KLC2: variants seen among roughly 807,000 people sequenced by gnomAD.
KLC2 encodes the protein KLC 2.
In KLC2, 35 loss-of-function variants were observed where a neutral mutation model predicts 75.1. That is an observed-to-expected ratio of 0.47 (90% CI 0.36 to 0.62). The LOEUF (loss-of-function observed/expected upper bound fraction) is 0.62. Among genes scored for constraint, KLC2 ranks in the 20% least tolerant of loss-of-function variants. KLC2 has a pLI of 0.00. For synonymous variants in KLC2, 314 were observed against 336.7 expected (o/e 0.93, Z 0.74); for missense variants, 611 against 833.2 (o/e 0.73, Z 3.28).
the KLC2 span, among the ~76,000 whole-genome samples, chr11:66,245,469 G>A: frequency 6.6e-6 from 1 of 152,190 alleles, no homozygotes; most frequent in Non-Finnish European, 1.5e-5. Context: ...TGTAATCCCA[G>A]CACTTTGGGA....
the KLC2 span, among the ~76,000 whole-genome samples, chr11:66,251,667 G>A: frequency 6.6e-6 from 1 of 152,274 alleles, no homozygotes; most frequent in East Asian, 1.9e-4. Context: ...AGCTACTCAG[G>A]AGGCTGAAGC....
upstream of KLC2, among the ~76,000 whole-genome samples, chr11:66,256,466 A>G (rs1856042144): frequency 6.6e-6 from 1 of 152,258 alleles, no homozygotes; most frequent in South Asian, 2.1e-4. Flanking sequence ...GGTGGGTGCT[A>G]TAATCTCAGC....
intron 3 of KLC2, 68 bp from the exon 4 acceptor site, chr11:66,262,053 ACC>A: frequency 6.3e-7 from 1 of 1,584,442 alleles, no homozygotes; most frequent in Non-Finnish European, 8.7e-7. Context: ...ATTCGGCTCC[ACC>A]CCAGCCCATG....
the KLC2 span, chr11:66,245,167 C>A: frequency 6.6e-6 from 1 of 152,218 alleles, no homozygotes; most frequent in Non-Finnish European, 1.5e-5. Context: ...TTTTCCTGCC[C>A]GCCCTTGACT....
chr11:66,267,625 C>G lies in KLC2; in HGVS notation c.*669C>G. 5.0e-6 allele frequency: 3 copies of G among 597,708 alleles called. No individual in the cohort carries two copies. Among genetic ancestry groups the G allele is most frequent in the Non-Finnish European group, 9.0e-6 (3 of 334,382 alleles). The allele number at this position is 597,708 out of a possible 1,614,324, so 37.0% of individuals were successfully genotyped here. ...CCGTCCTCCCACCGCCGGGCCCTGCCCCGCATCCCGGCCTTATGCACTGCC... is the reference window on the plus strand; with the variant it reads ...CCGTCCTCCCACCGCCGGGCCCTGCGCCGCATCCCGGCCTTATGCACTGCC... On this transcript the variant is annotated 3_prime_UTR_variant, in exon 16 of 16. Transcript: ENST00000394067.
upstream of KLC2, among the ~76,000 whole-genome samples, chr11:66,252,665 A>T (rs1855973930): frequency 6.6e-6 from 1 of 152,196 alleles, no homozygotes; most frequent in Admixed American, 6.5e-5. Context: ...GACCATGCCT[A>T]AAAAGCGACA....
At chr11:66,249,486 C>T in the KLC2 span, among the ~76,000 whole-genome samples, 4 of 152,234 alleles carry the variant, frequency 2.6e-5, no homozygotes, top group African/African-American at 9.6e-5. Flanking sequence ...TGTCCAAGGA[C>T]TGACAGCATT....
At position 66,264,097 on chromosome 11, in the gene KLC2, C is replaced by T. The variant is rs576647778; in HGVS notation, c.994C>T (p.Leu332=). The T allele has an allele frequency of 1.9e-6, 3 of 1,605,574 alleles. No individual in the cohort carries two copies. The South Asian group carries it at 3.3e-5, about 18-fold the overall frequency. Residue 332 remains leucine (L), a synonymous_variant, in exon 8 of 16, where the codon CTG becomes TTG. Transcript: ENST00000394067. The part of the protein sequence containing the change: ...DVAKQLSNLA[L]LCQNQGKAEE... Reference sequence around the variant, plus strand: ...GGCCAAGCAGCTCAGCAACCTGGCCCTGCTGTGCCAGAACCAGGGCAAAGC... The same window carrying T: ...GGCCAAGCAGCTCAGCAACCTGGCCTTGCTGTGCCAGAACCAGGGCAAAGC...
intron 11 of KLC2, 116 bp downstream of exon 11, chr11:66,265,351 C>T: frequency 1.1e-6 from 1 of 882,858 alleles, no homozygotes; most frequent in South Asian, 1.6e-5. Flanking sequence ...GCCCAACTCA[C>T]AGGTCACCTG....
the KLC2 span, among the ~76,000 whole-genome samples, chr11:66,251,105 G>A: frequency 6.6e-6 from 1 of 152,220 alleles, no homozygotes; most frequent in Middle Eastern, 3.2e-3. Context: ...GATGTGATGA[G>A]GACATTGTAA....
chr11:66,256,885 C>T (rs1425140434), upstream of KLC2, among the ~76,000 whole-genome samples: 2 of 152,130 alleles, frequency 1.3e-5, no homozygotes, highest in Non-Finnish European at 2.9e-5. Context: ...TGATCACCAC[C>T]TTCTGAGCAG....
At chr11:66,264,509 C>A in intron 9 of KLC2, 65 bp downstream of exon 9, 1 of 1,179,876 alleles carries the variant, frequency 8.5e-7, no homozygotes, top group Non-Finnish European at 1.3e-6. Context: ...CATCAGCACC[C>A]AGGACAAATC....
chr11:66,263,085 T>G, intron 5 of KLC2, 49 bp downstream of exon 5: 4 of 1,403,260 alleles, frequency 2.9e-6, no homozygotes, highest in South Asian at 1.2e-5. Flanking sequence ...GCTCCAGCCC[T>G]GGATCACTAA....
intron 2 of KLC2, among the ~76,000 whole-genome samples, chr11:66,259,279 T>C (rs1266509444): frequency 1.3e-5 from 2 of 152,222 alleles, no homozygotes; most frequent in African/African-American, 4.8e-5. Context: ...CAAATTGTGA[T>C]GAGTTCTGCA....
At chr11:66,245,808 G>A in the KLC2 span, among the ~76,000 whole-genome samples, 8 of 152,246 alleles carry the variant, frequency 5.3e-5, no homozygotes, top group African/African-American at 1.7e-4. Flanking sequence ...CTTGAACCCG[G>A]GAGGCGGAGG....
At chr11:66,245,861 G>A in the KLC2 span, among the ~76,000 whole-genome samples, 1 of 152,240 alleles carries the variant, frequency 6.6e-6, no homozygotes, top group Non-Finnish European at 1.5e-5. Flanking sequence ...CAGCCTGGAC[G>A]ACAGAATGAG....
At position 66,262,131 on chromosome 11, in the gene KLC2, G is replaced by A. The variant is rs1235985788; in HGVS notation, c.468G>A (p.Lys156=). The A allele has an allele frequency of 1.2e-6, 2 of 1,613,284 alleles. No homozygotes were observed. Among genetic ancestry groups the A allele is most frequent in the East Asian group, 2.2e-5 (1 of 44,884 alleles). The part of the protein sequence containing the change: ...LDEDASPNEE[K]GDVPKDTLDD... ...CCTGTCTTCCTTCCCAGGAGGAGAA[G>A]GGGGACGTCCCCAAAGACACACTGG... Residue 156 remains lysine (K), a synonymous_variant, in exon 4 of 16, where the codon AAG becomes AAA. Transcript: ENST00000394067.
At chr11:66,246,586 C>T in the KLC2 span, among the ~76,000 whole-genome samples, 3 of 152,158 alleles carry the variant, frequency 2.0e-5, no homozygotes, top group Non-Finnish European at 2.9e-5. Flanking sequence ...TTACATGCAT[C>T]CCAAGTGGGT....
intron 11 of KLC2, 21 bp downstream of exon 11, chr11:66,265,256 C>A: frequency 2.5e-6 from 3 of 1,215,654 alleles, no homozygotes; most frequent in Non-Finnish European, 3.6e-6. Context: ...CGGGGCTGGG[C>A]TGGGGAGCAG....
Sources: gnomAD v4.1 joint callset for allele counts (sites outside exome capture counted in the v4.1 genomes callset) on GRCh38, gnomAD v4.1.1 for gene constraint, MANE v1.5 for transcripts, NCBI Gene and HGNC (gene_info 2026-07-23, HGNC 2026-07-21) for gene names.